The following CCDC138 variants were observed in gnomAD, a reference collection of about 807,000 sequenced individuals.
CCDC138 encodes the protein coiled-coil domain-containing protein 138.
CCDC138 carries 66 observed loss-of-function variants against 82.3 expected under a neutral mutation model. The ratio of observed to expected loss-of-function variants is 0.80; its 90% CI spans 0.66 to 0.98. The LOEUF (loss-of-function observed/expected upper bound fraction) is 0.98. Ranked by LOEUF, CCDC138 falls within the 50% of genes least tolerant of loss-of-function variation. The pLI is 0.00. For synonymous variants in CCDC138, 297 were observed against 265.4 expected (o/e 1.12, Z -1.16); for missense variants, 816 against 758.9 (o/e 1.08, Z -0.88).
Position 108,873,582 on chromosome 2 carries a change from A to G in CCDC138, c.1825A>G (p.Lys609Glu). 6.3e-7 allele frequency: 1 copy of G among 1,581,856 alleles called. No homozygotes were observed. The highest frequency in any genetic ancestry group is 8.6e-7 in the Non-Finnish European group (1 of 1,159,220). Reference sequence around the variant, plus strand: ...CAGTATTATTTTACAGAAACTTTCCAAAATCAAGTAAGAATTTCTTATTTC... The same window carrying G: ...CAGTATTATTTTACAGAAACTTTCCGAAATCAAGTAAGAATTTCTTATTTC... ...KLSIILQKLS[K>E]IKSNKKLFEL... Residue 609 changes from lysine (K) to glutamate (E), a missense_variant, in exon 14 of 15, where the codon AAA (lysine) becomes GAA (glutamate). Physicochemically the swap from Lys to Glu is moderately conservative, Grantham distance 56. Coordinates refer to ENST00000295124, the MANE Select transcript of CCDC138 (RefSeq NM_144978.3).
At chr2:108,846,525 A>G (rs1690508221) in intron 11 of CCDC138, among the ~76,000 whole-genome samples, 1 of 151,652 alleles carries the variant, frequency 6.6e-6, no homozygotes, top group Non-Finnish European at 1.5e-5. Context: ...CGAAAAAAAA[A>G]AAAAACCTGA....
At chr2:108,830,156 C>T (rs922466231) in intron 10 of CCDC138, among the ~76,000 whole-genome samples, 1 of 152,112 alleles carries the variant, frequency 6.6e-6, no homozygotes, top group African/African-American at 2.4e-5. Flanking sequence ...AGCTAGACAC[C>T]AGATGACAAA....
intron 13 of CCDC138, among the ~76,000 whole-genome samples, chr2:108,864,961 G>A (rs1694193138): frequency 6.6e-6 from 1 of 151,956 alleles, no homozygotes. Context: ...CCTGTTTTAA[G>A]AAAATAAATA....
chr2:108,848,752 A>G (rs1045199812), intron 12 of CCDC138, among the ~76,000 whole-genome samples: 1 of 152,222 alleles, frequency 6.6e-6, no homozygotes, highest in Admixed American at 6.5e-5. Context: ...CTAATATGTA[A>G]TGATACAAAA....
intron 5 of CCDC138, among the ~76,000 whole-genome samples, chr2:108,796,555 A>G (rs960864792): frequency 6.6e-6 from 1 of 152,200 alleles, no homozygotes; most frequent in Non-Finnish European, 1.5e-5. Context: ...TCTGTTCATA[A>G]TAACCGAAAT....
intron 13 of CCDC138, among the ~76,000 whole-genome samples, chr2:108,864,032 TTCTC>T (rs1694026958): frequency 6.6e-6 from 1 of 152,136 alleles, no homozygotes; most frequent in East Asian, 1.9e-4. Flanking sequence ...AGGCTGGTCT[TTCTC>T]ATGTGTAACA....
intron 4 of CCDC138, among the ~76,000 whole-genome samples, chr2:108,793,848 C>T (rs1006997581): frequency 2.0e-5 from 3 of 151,870 alleles, no homozygotes; most frequent in Non-Finnish European, 4.4e-5. Flanking sequence ...ATGATCCGCC[C>T]GCCTCGGCCT....
At chr2:108,843,634 C>T (rs2150533971) in intron 11 of CCDC138, among the ~76,000 whole-genome samples, 1 of 152,212 alleles carries the variant, frequency 6.6e-6, no homozygotes, top group South Asian at 2.1e-4. Context: ...GATAAGAAAT[C>T]TGTCATTTGA....
intron 10 of CCDC138, among the ~76,000 whole-genome samples, chr2:108,824,596 C>CT (rs1686250133): frequency 6.6e-6 from 1 of 151,894 alleles, no homozygotes; most frequent in Non-Finnish European, 1.5e-5. Context: ...TTACATTTAA[C>CT]TTTTTTTTAA....
intron 6 of CCDC138, among the ~76,000 whole-genome samples, chr2:108,803,476 T>A (rs530867553): frequency 6.6e-6 from 1 of 152,338 alleles, no homozygotes; most frequent in Non-Finnish European, 1.5e-5. Context: ...AGAGTCTTGC[T>A]GTGTTGCCCA....
At position 108,788,033 on chromosome 2, in the gene CCDC138, A is replaced by C; in HGVS notation, c.95A>C (p.Tyr32Ser). Residue 32 changes from tyrosine (Y) to serine (S), a missense_variant and splice_region_variant, in exon 2 of 15, where the codon TAT becomes TCT. Tyr to Ser is a moderately radical substitution (Grantham distance 144, BLOSUM62 -2). Coordinates refer to ENST00000295124, the MANE Select transcript of CCDC138 (RefSeq NM_144978.3). ...YGLGGSCPDE[Y>S]DFSNFYQSKY... The stretch of plus-strand genomic sequence containing the variant: ...TAAATCTTTTCTTTTTTTTTTTAGT[A>C]TGATTTTTCAAATTTTTATCAGTCT... The C allele has an allele frequency of 6.5e-7, 1 of 1,535,696 alleles. No homozygotes were observed.
Position 108,846,788 on chromosome 2 carries a change from A to C in CCDC138, c.1374A>C (p.Lys458Asn). 6.2e-7 allele frequency: 1 copy of C among 1,612,842 alleles called. No homozygotes were observed. The highest frequency in any genetic ancestry group is 8.5e-7 in the Non-Finnish European group (1 of 1,179,086). ...GGAGATTGGGTGAAGACATTTTTAA[A>C]GGAGTGGTAACTAAAGGAATTCAGG... ...TLRRLGEDIF[K>N]GVVTKGIQDN... The change falls in exon 12 of 15, where the codon AAA becomes AAC. Residue 458 changes from lysine to asparagine, a missense_variant. Physicochemically the swap from Lys to Asn is moderately conservative, Grantham distance 94. Coordinates refer to ENST00000295124, the MANE Select transcript of CCDC138 (RefSeq NM_144978.3).
intron 10 of CCDC138, among the ~76,000 whole-genome samples, chr2:108,821,710 T>G (rs1685734887): frequency 6.6e-6 from 1 of 151,872 alleles, no homozygotes; most frequent in Non-Finnish European, 1.5e-5. Flanking sequence ...TTTGGGAGGC[T>G]GAGACAGGTG....
chr2:108,860,513 G>T (rs1246763303), intron 13 of CCDC138, among the ~76,000 whole-genome samples: 2 of 142,142 alleles, frequency 1.4e-5, no homozygotes, highest in Non-Finnish European at 1.6e-5. Flanking sequence ...GGTTGTTGAG[G>T]TTTTTTTTTT....
rs548886370 is a variant in CCDC138, at chr2:108,835,060, G to A, written c.1207-4125G>A. On this transcript the variant is annotated intron_variant, in intron 10 of 14. Coordinates refer to ENST00000295124, the MANE Select transcript of CCDC138 (RefSeq NM_144978.3). ...TTCAAATAATGCTGCTAGAACTGTA[G>A]TTTGGAGTCAGAAAACATATCTGCT... 4.3e-4 allele frequency among the ~76,000 whole-genome samples: 65 copies of A among 152,302 alleles called. No individual in the cohort carries two copies. In the South Asian group the frequency reaches 5.0e-3, roughly 12 times the overall value.
At chr2:108,788,569 A>G (rs914724980) in intron 2 of CCDC138, among the ~76,000 whole-genome samples, 2 of 151,180 alleles carry the variant, frequency 1.3e-5, no homozygotes, top group Non-Finnish European at 2.9e-5. Flanking sequence ...AAATACAAAA[A>G]ATTAGCCGGG....
At chr2:108,809,448 T>TTTTGTG (rs869060860) in intron 7 of CCDC138, among the ~76,000 whole-genome samples, 3 of 141,138 alleles carry the variant, frequency 2.1e-5, no homozygotes, top group African/African-American at 5.2e-5. Flanking sequence ...ACATGAAATG[T>TTTTGTG]TGTGTGTGTG....
chr2:108,835,388 G>A (rs1489340163), intron 10 of CCDC138, among the ~76,000 whole-genome samples: 1 of 152,052 alleles, frequency 6.6e-6, no homozygotes, highest in Admixed American at 6.6e-5. Context: ...CATGTGTTAG[G>A]GCCAGTAAGG....
chr2:108,849,626 C>T (rs1352427245), intron 12 of CCDC138, among the ~76,000 whole-genome samples: 1 of 152,094 alleles, frequency 6.6e-6, no homozygotes, highest in Non-Finnish European at 1.5e-5. Context: ...TAACAGATAC[C>T]CTTTAAAGCT....
Sources: allele counts gnomAD v4.1 joint callset (sites outside exome capture counted in the v4.1 genomes callset), GRCh38; gene constraint gnomAD v4.1.1; transcripts MANE v1.5; gene names NCBI Gene and HGNC (gene_info 2026-07-23, HGNC 2026-07-21).